KCNAB2: variants seen among roughly 807,000 people sequenced by gnomAD.
KCNAB2 encodes the protein potassium voltage-gated channel subfamily A regulatory beta subunit 2.
KCNAB2 carries 29 observed loss-of-function variants against 63.6 expected under a neutral mutation model. The observed-to-expected ratio is 0.46, with a 90% CI of 0.34 to 0.62. The LOEUF (loss-of-function observed/expected upper bound fraction) is 0.62. KCNAB2 is among the 20% of genes least tolerant of loss of function. The pLI, the probability that KCNAB2 is intolerant of heterozygous loss-of-function variation, is 0.01. For missense variants in KCNAB2, 359 were observed against 563.9 expected (o/e 0.64, Z 3.68); for synonymous variants, 222 against 224.2 (o/e 0.99, Z 0.09).
chr1:6,017,112 A>G (rs1423411682), intron 1 of KCNAB2, among the ~76,000 whole-genome samples: 2 of 152,084 alleles, frequency 1.3e-5, no homozygotes, highest in Non-Finnish European at 2.9e-5. Context: ...AAGACAGAGG[A>G]AAAGTCCTAG....
In KCNAB2 at chr1:6,051,197, G is replaced by A. The variant is rs369853239; in HGVS notation, c.-26-314G>A. 1.4e-3 allele frequency among the ~76,000 whole-genome samples: 213 copies of A among 152,318 alleles called. 2 individuals carry two copies. The highest frequency in any genetic ancestry group is 9.1e-3 in the South Asian group (44 of 4,818). ...GGCTCTGCATGCTCTCTGTGCTCCC[G>A]TTTTCATTTGGACACTTGGGGTGCA... On this transcript the variant is annotated intron_variant, in intron 1 of 15. Transcript: ENST00000378083.
intron 1 of KCNAB2, among the ~76,000 whole-genome samples, chr1:6,011,153 T>C (rs1452754770): frequency 1.3e-5 from 2 of 152,206 alleles, no homozygotes; most frequent in African/African-American, 4.8e-5. Flanking sequence ...AGATGCAGCA[T>C]TGCTCTGAGG....
rs3789527 is a variant in KCNAB2 at position 6,100,810 on chromosome 1, G to A, written c.*2236G>A. On this transcript the variant is annotated 3_prime_UTR_variant, in exon 16 of 16. Coordinates refer to ENST00000378083, the MANE Select transcript of KCNAB2 (RefSeq NM_001199862.2). ...CTCCTAGGGCCAGGTCCCCCCTCTC[G>A]GGAGGAGGTATTGGGTAGGACCATC... The A allele has an allele frequency of 0.12, 18,721 of 152,230 alleles. 1,225 individuals are homozygous for A. The highest frequency in any genetic ancestry group is 0.18 in the East Asian group (937 of 5,162). The allele number at this position is 152,230 out of a possible 1,614,324, so 9.4% of individuals were successfully genotyped here.
At chr1:6,045,613 T>C (rs1427740325), upstream of KCNAB2, among the ~76,000 whole-genome samples, 3 of 152,120 alleles carry the variant, frequency 2.0e-5, no homozygotes, top group Non-Finnish European at 4.4e-5. The surrounding 1 kb of genome is among the most constrained non-coding windows in gnomAD (Gnocchi z 4.8). Context: ...AGCAGAGGCC[T>C]CTCCAGACCC....
At chr1:6,085,562 G>A (rs1322690638) in intron 6 of KCNAB2, among the ~76,000 whole-genome samples, 1 of 152,168 alleles carries the variant, frequency 6.6e-6, no homozygotes, top group Non-Finnish European at 1.5e-5. Flanking sequence ...AAAGAGCTTG[G>A]CGTGAGAACG....
chr1:6,022,262 T>G (rs1658884158), intron 1 of KCNAB2, among the ~76,000 whole-genome samples: 1 of 151,836 alleles, frequency 6.6e-6, no homozygotes, highest in South Asian at 2.1e-4. Flanking sequence ...GTATTGAGTG[T>G]ATAGTTCAGT....
At chr1:6,046,790 G>C (rs1489175589) in intron 1 of KCNAB2, among the ~76,000 whole-genome samples, 1 of 152,220 alleles carries the variant, frequency 6.6e-6, no homozygotes, top group African/African-American at 2.4e-5. Context: ...TCTCTGGACA[G>C]GTGTCACCAT....
In KCNAB2 at chr1:6,100,293, C is replaced by T. The variant is rs941906312; in HGVS notation, c.*1719C>T. Reference sequence around the variant, plus strand: ...TGCCCCTGGCGCCTAGAACCCTTGCCCCTCCTCATAGACCAAGTCCCGGGG... The same window carrying T: ...TGCCCCTGGCGCCTAGAACCCTTGCTCCTCCTCATAGACCAAGTCCCGGGG... On this transcript the variant is annotated 3_prime_UTR_variant, in exon 16 of 16. Coordinates refer to ENST00000378083, the MANE Select transcript of KCNAB2 (RefSeq NM_001199862.2). 9.3e-6 allele frequency: 4 copies of T among 432,216 alleles called. No homozygotes were observed. Among genetic ancestry groups the T allele is most frequent in the Non-Finnish European group, 1.6e-5 (4 of 250,694 alleles). The allele number at this position is 432,216 out of a possible 1,614,324, so 26.8% of individuals were successfully genotyped here.
chr1:6,072,561 G>A (rs763221449), intron 2 of KCNAB2, among the ~76,000 whole-genome samples, 194 bp from the exon 3 acceptor site: 52 of 152,164 alleles, frequency 3.4e-4, no homozygotes, highest in Non-Finnish European at 5.7e-4. Context: ...GGTGTGGGCC[G>A]GGGGCAGTTG....
intron 1 of KCNAB2, among the ~76,000 whole-genome samples, chr1:6,000,673 A>C (rs992225687): frequency 6.6e-6 from 1 of 151,798 alleles, no homozygotes; most frequent in Non-Finnish European, 1.5e-5. Context: ...AAAAAAAAGA[A>C]AACAGTGATA....
At chr1:6,022,200 A>G (rs1333083702) in intron 1 of KCNAB2, among the ~76,000 whole-genome samples, 12 of 143,406 alleles carry the variant, frequency 8.4e-5, no homozygotes, top group Non-Finnish European at 1.5e-4. Context: ...GAGTGCGTAA[A>G]TTCAGTGGTA....
At chr1:6,051,465 C>A in intron 1 of KCNAB2, 46 bp from the exon 2 acceptor site, 1 of 1,428,936 alleles carries the variant, frequency 7.0e-7, no homozygotes, top group South Asian at 1.5e-5. Context: ...CAGCCTGGGG[C>A]ACGTGGGGCA....
At chr1:6,039,556 G>T (rs1660327767) in intron 1 of KCNAB2, among the ~76,000 whole-genome samples, 1 of 152,200 alleles carries the variant, frequency 6.6e-6, no homozygotes. Flanking sequence ...CACAAACCCT[G>T]CAGCTTCCAA....
intron 6 of KCNAB2, 90 bp downstream of exon 6, chr1:6,085,338 G>A (rs547260720): frequency 1.5e-4 from 172 of 1,136,696 alleles, no homozygotes; most frequent in East Asian, 1.1e-3. Flanking sequence ...GTGCAGTGTC[G>A]TAAGGCCCGC....
chr1:6,004,343 G>A (rs1657433721), intron 1 of KCNAB2, among the ~76,000 whole-genome samples: 1 of 152,062 alleles, frequency 6.6e-6, no homozygotes, highest in Admixed American at 6.6e-5. Context: ...CTGCAGATGG[G>A]CATTGCTGCA....
upstream of KCNAB2, among the ~76,000 whole-genome samples, chr1:6,042,484 G>A (rs1211210148): frequency 6.6e-6 from 1 of 152,164 alleles, no homozygotes; most frequent in Non-Finnish European, 1.5e-5. Context: ...GGCCCTGCAG[G>A]GTGCTCTTGG....
At chr1:6,066,847 C>T (rs1224789167) in intron 2 of KCNAB2, among the ~76,000 whole-genome samples, 1 of 152,264 alleles carries the variant, frequency 6.6e-6, no homozygotes, top group East Asian at 1.9e-4. Flanking sequence ...CAGGCACAGG[C>T]AGCCAGGCCG....
rs1196347986 is a variant in KCNAB2 at position 6,090,490 on chromosome 1, G to T, written c.601+15G>T. ...CCCGATGGAAGGTAGGTGGTCTGCGGCGGCGCCACCGGTTAGGCCTGGGCG... is the reference window on the plus strand; with the variant it reads ...CCCGATGGAAGGTAGGTGGTCTGCGTCGGCGCCACCGGTTAGGCCTGGGCG... On this transcript the variant is annotated intron_variant, in intron 9 of 15. Transcript: ENST00000378083. 2 of 1,605,892 alleles carry T rather than the reference G, an allele frequency of 1.2e-6. No individual in the cohort carries two copies. Among genetic ancestry groups the T allele is most frequent in the African/African-American group, 2.7e-5 (2 of 74,750 alleles).
At chr1:6,092,043 C>T (rs1468403751) in intron 10 of KCNAB2, among the ~76,000 whole-genome samples, 2 of 152,126 alleles carry the variant, frequency 1.3e-5, no homozygotes, top group Non-Finnish European at 2.9e-5. Flanking sequence ...TGGGCCTGGG[C>T]CCCTGTCTGC....
Sources: allele counts gnomAD v4.1 joint callset (sites outside exome capture counted in the v4.1 genomes callset), GRCh38; gene constraint gnomAD v4.1.1; non-coding constraint Gnocchi (gnomAD v3.1); transcripts MANE v1.5; gene names NCBI Gene and HGNC (gene_info 2026-07-23, HGNC 2026-07-21).